CFAP52: variants seen among roughly 807,000 people sequenced by gnomAD.
The protein encoded by CFAP52 is cilia and flagella associated protein 52.
Under a neutral mutation model 70.5 loss-of-function variants are expected in CFAP52, and 57 were observed. That is an observed-to-expected ratio of 0.81 (90% CI 0.65 to 1.01). The LOEUF is 1.01. Among genes scored for constraint, CFAP52 ranks in the 50% least tolerant of loss-of-function variants. The pLI is 0.00. For missense variants in CFAP52, 785 were observed against 788.5 expected, an observed-to-expected ratio of 1.00 and a Z score of 0.05; for synonymous variants, 267 against 292.5, an observed-to-expected ratio of 0.91 and a Z score of 0.89.
chr17:9,640,224 CTT>C (rs113556452), intron 12 of CFAP52, among the ~76,000 whole-genome samples: 144 of 125,550 alleles, frequency 1.1e-3, no homozygotes, highest in African/African-American at 3.6e-3. Flanking sequence ...GTCAAGCACT[CTT>C]TTTTTTTTTT....
intron 11 of CFAP52, among the ~76,000 whole-genome samples, chr17:9,636,872 C>A (rs1027187090): frequency 6.6e-6 from 1 of 152,062 alleles, no homozygotes; most frequent in African/African-American, 2.4e-5. Context: ...TGGTGAAAGC[C>A]CGTCTCTACT....
Position 9,584,285 on chromosome 17 carries a change from T to G in CFAP52, c.71-1488T>G, listed in dbSNP as rs760943645. The G allele has an allele frequency of 3.9e-6, 5 of 1,287,658 alleles. No individual in the cohort carries two copies. In the South Asian group the frequency reaches 6.2e-5, roughly 16 times the overall value. 79.8% of individuals were successfully genotyped at this position (1,287,658 alleles called of 1,614,324 possible). Reference sequence around the variant, plus strand: ...CTTTTCTCTAACATGGAAGCAGTAGTGTTACCTTGGCAGATATTTGGAGTA... The same window carrying G: ...CTTTTCTCTAACATGGAAGCAGTAGGGTTACCTTGGCAGATATTTGGAGTA... On this transcript the variant is annotated intron_variant, in intron 1 of 13. Transcript: ENST00000352665.
At chr17:9,607,076 T>C (rs1304070280) in intron 6 of CFAP52, among the ~76,000 whole-genome samples, 1 of 152,242 alleles carries the variant, frequency 6.6e-6, no homozygotes, top group Non-Finnish European at 1.5e-5. Flanking sequence ...CTGAGTGTGG[T>C]GGCTCACACC....
chr17:9,612,722 G>C (rs144564279), intron 8 of CFAP52, among the ~76,000 whole-genome samples: 2 of 151,992 alleles, frequency 1.3e-5, no homozygotes, highest in African/African-American at 2.4e-5. Context: ...TCATGGAAAG[G>C]GTAAGTACCT....
intron 8 of CFAP52, among the ~76,000 whole-genome samples, chr17:9,627,034 ACTT>A (rs1249750288): frequency 6.6e-6 from 1 of 151,728 alleles, no homozygotes; most frequent in African/African-American, 2.4e-5. Context: ...CCCCAATATT[ACTT>A]CTTCTTATTA....
At chr17:9,594,162 T>C (rs773709019) in intron 3 of CFAP52, 31 bp from the exon 4 acceptor site, 3 of 668,400 alleles carry the variant, frequency 4.5e-6, no homozygotes, top group Non-Finnish European at 4.2e-6. Flanking sequence ...TCTCTTTGAC[T>C]TTTTTTTTTT....
In CFAP52 at chr17:9,627,470, CT is replaced by C. The variant is rs772078430; in HGVS notation, c.1026-1201del. Among the ~76,000 whole-genome samples the C allele has an allele frequency of 2.1e-3, 314 of 151,944 alleles. 1 individual carries two copies. Among genetic ancestry groups the C allele is most frequent in the Non-Finnish European group, 2.0e-3 (134 of 67,990 alleles). On this transcript the variant is annotated intron_variant, in intron 8 of 13. Coordinates refer to ENST00000352665, the MANE Select transcript of CFAP52 (RefSeq NM_145054.5). ...AGTAAGCCAAGATCGGACCATTGCACTCCAGCCCAGGCAACAGAGTGAGACT... is the reference window on the plus strand; with the variant it reads ...AGTAAGCCAAGATCGGACCATTGCACCCAGCCCAGGCAACAGAGTGAGACT...
chr17:9,626,469 A>G (rs1183092932), intron 8 of CFAP52, among the ~76,000 whole-genome samples: 1 of 152,170 alleles, frequency 6.6e-6, no homozygotes, highest in Admixed American at 6.5e-5. Flanking sequence ...ACCTCAGGTG[A>G]TCCACTCACC....
intron 9 of CFAP52, among the ~76,000 whole-genome samples, chr17:9,632,077 CT>C (rs79133731): frequency 0.23 from 33,868 of 146,104 alleles, 4,676 homozygotes; most frequent in East Asian, 0.43. Flanking sequence ...CCAGCCTCCA[CT>C]TTTTTTTTTC....
At chr17:9,596,554 TA>T (rs563785661) in intron 4 of CFAP52, among the ~76,000 whole-genome samples, 200 of 152,322 alleles carry the variant, frequency 1.3e-3, no homozygotes, top group African/African-American at 4.6e-3. Flanking sequence ...AGTCCTGTGT[TA>T]GATGCTAATT....
In CFAP52 at chr17:9,600,056, T is replaced by C. The variant is rs777777947; in HGVS notation, c.637-11T>C. 2 of 1,612,486 alleles carry C rather than the reference T, an allele frequency of 1.2e-6. No homozygotes were observed. The highest frequency in any genetic ancestry group is 1.7e-5 in the Admixed American group (1 of 59,946). Reference sequence around the variant, plus strand: ...GAGGCTGGCCAAGATTTCTTTTTCTTGCTTCTTCAGGTGGATGATGATGAT... The same window carrying C: ...GAGGCTGGCCAAGATTTCTTTTTCTCGCTTCTTCAGGTGGATGATGATGAT... On this transcript the variant is annotated splice_polypyrimidine_tract_variant and intron_variant, in intron 5 of 13. Transcript: ENST00000352665.
rs1222567596 is a variant in CFAP52 at position 9,628,798 on chromosome 17, G to T, written c.1152G>T (p.Arg384Ser). Residue 384 changes from arginine to serine, a missense_variant, in exon 9 of 14, where the codon AGG (arginine) becomes AGT (serine). Arg to Ser is a moderately radical substitution (Grantham distance 110). Coordinates refer to ENST00000352665, the MANE Select transcript of CFAP52 (RefSeq NM_145054.5). ...NMTCHGIDFM[R>S]DGKSIISAWN... ...CCTGCCACGGCATCGACTTCATGAGGGACGGCAAAAGCATCATTTCAGGTA... is the reference window on the plus strand; with the variant it reads ...CCTGCCACGGCATCGACTTCATGAGTGACGGCAAAAGCATCATTTCAGGTA... 6.2e-7 allele frequency: 1 copy of T among 1,613,928 alleles called. No individual in the cohort carries two copies. The highest frequency in any genetic ancestry group is 1.3e-5 in the African/African-American group (1 of 74,902).
chr17:9,587,234 G>A (rs1908538007), intron 3 of CFAP52, among the ~76,000 whole-genome samples: 1 of 152,176 alleles, frequency 6.6e-6, no homozygotes, highest in Non-Finnish European at 1.5e-5. Flanking sequence ...AGTCCATGAT[G>A]TATATGTACC....
chr17:9,631,047 A>AC (rs1567634901), intron 9 of CFAP52, among the ~76,000 whole-genome samples: 1 of 102,604 alleles, frequency 9.7e-6, no homozygotes, highest in East Asian at 4.4e-4. Flanking sequence ...AGAGAGAGAG[A>AC]GAGAGAGAAA....
At chr17:9,596,061 A>ATGTATATG (rs71135995) in intron 4 of CFAP52, among the ~76,000 whole-genome samples, 1 of 50,780 alleles carries the variant, frequency 2.0e-5, no homozygotes, top group East Asian at 8.9e-4. Context: ...ATGTGTGTGT[A>ATGTATATG]TATATATATA....
intron 9 of CFAP52, among the ~76,000 whole-genome samples, chr17:9,630,316 C>A (rs923858661): frequency 6.6e-6 from 1 of 150,590 alleles, no homozygotes; most frequent in Non-Finnish European, 1.5e-5. Context: ...CGGTGGCTCA[C>A]GCCTGTAATC....
chr17:9,613,500 GT>G (rs550616327), intron 8 of CFAP52, among the ~76,000 whole-genome samples: 2 of 149,274 alleles, frequency 1.3e-5, no homozygotes, highest in African/African-American at 2.5e-5. Context: ...TTTTTGGGGG[GT>G]TTTTGTTTGT....
At chr17:9,614,447 C>T (rs1018889236) in intron 8 of CFAP52, among the ~76,000 whole-genome samples, 3 of 152,170 alleles carry the variant, frequency 2.0e-5, no homozygotes, top group Non-Finnish European at 2.9e-5. Flanking sequence ...TGAGCCACCA[C>T]GCCTGGCCTC....
chr17:9,632,532 TG>T (rs1910597438), intron 9 of CFAP52, among the ~76,000 whole-genome samples: 1 of 152,114 alleles, frequency 6.6e-6, no homozygotes, highest in East Asian at 1.9e-4. Context: ...AGAAAGATGG[TG>T]GTGCCTTGGA....
Sources: allele counts gnomAD v4.1 joint callset (sites outside exome capture counted in the v4.1 genomes callset), GRCh38; gene constraint gnomAD v4.1.1; transcripts MANE v1.5; gene names NCBI Gene and HGNC (gene_info 2026-07-23, HGNC 2026-07-21).